LRP2: variants seen among roughly 807,000 people sequenced by gnomAD.
LRP2 encodes LDL receptor related protein 2.
A neutral mutation model predicts 531.0 loss-of-function variants in LRP2; 172 were observed. The ratio of observed to expected loss-of-function variants is 0.32; its 90% CI spans 0.29 to 0.37. The LOEUF (loss-of-function observed/expected upper bound fraction) is 0.37. LRP2 is among the 10% of genes least tolerant of loss of function. The pLI is 1.00. For synonymous variants in LRP2, 1,992 were observed against 2,027.6 expected, an observed-to-expected ratio of 0.98 and a Z score of 0.47; for missense variants, 5,167 against 5,868.3, an observed-to-expected ratio of 0.88 and a Z score of 3.90.
intron 62 of LRP2, among the ~76,000 whole-genome samples, chr2:169,164,865 T>A (rs572814526): frequency 7.0e-4 from 106 of 152,290 alleles, no homozygotes; most frequent in African/African-American, 2.1e-3. Context: ...CTCCATTTTT[T>A]AAAAAATGGC....
chr2:169,277,599 C>A (rs1399337551), intron 13 of LRP2, 146 bp downstream of exon 13: 2 of 750,156 alleles, frequency 2.7e-6, no homozygotes, highest in African/African-American at 1.8e-5. Context: ...TCACTTCATG[C>A]AAATGTCAGT....
chr2:169,331,543 C>T (rs1239120635), intron 1 of LRP2, among the ~76,000 whole-genome samples: 1 of 152,150 alleles, frequency 6.6e-6, no homozygotes, highest in African/African-American at 2.4e-5. Flanking sequence ...AAACTAAGCT[C>T]AAGACTTTCT....
intron 44 of LRP2, among the ~76,000 whole-genome samples, chr2:169,200,210 C>T (rs1427143823): frequency 1.3e-5 from 2 of 152,134 alleles, no homozygotes; most frequent in Non-Finnish European, 2.9e-5. Context: ...GAGATCGCGT[C>T]ACTGCACTCC....
At chr2:169,205,726 A>C in intron 40 of LRP2, 89 bp from the exon 41 acceptor site, 1 of 1,305,990 alleles carries the variant, frequency 7.7e-7, no homozygotes. Context: ...CTTTAATTGC[A>C]AATTGCCAGT....
chr2:169,320,888 C>T lies in LRP2; in HGVS notation c.80-4G>A. On this transcript the variant is annotated splice_polypyrimidine_tract_variant and splice_region_variant and intron_variant, in intron 1 of 78. Transcript: ENST00000649046. ...CGAAAATGCGCACTGTCACATTCTG[C>T]AATAATAGACAGAAATTTTAAAAAC... 6.3e-7 allele frequency: 1 copy of T among 1,599,900 alleles called. No individual in the cohort carries two copies.
chr2:169,139,441 A>T, intron 73 of LRP2, 70 bp from the exon 74 acceptor site: 2 of 1,613,538 alleles, frequency 1.2e-6, no homozygotes, highest in Non-Finnish European at 1.7e-6. Context: ...ACTGGGGGCT[A>T]GAACCACTCC....
chr2:169,163,733 C>G lies in LRP2; in HGVS notation c.11759-1133G>C, dbSNP rs79953200. 8.1e-3 allele frequency among the ~76,000 whole-genome samples: 1,233 copies of G among 151,954 alleles called. 12 individuals are homozygous for G. The highest frequency in any genetic ancestry group is 0.013 in the Non-Finnish European group (873 of 67,918). On this transcript the variant is annotated intron_variant, in intron 62 of 78. Coordinates refer to ENST00000649046, the MANE Select transcript of LRP2 (RefSeq NM_004525.3). ...GAGACTTGGAAAAAAAAACAAAAAA[C>G]AACTCCTGGGCTCCCGACCTTCTAT...
intron 8 of LRP2, 45 bp from the exon 9 acceptor site, chr2:169,289,190 A>G: frequency 1.9e-6 from 3 of 1,611,964 alleles, no homozygotes; most frequent in Non-Finnish European, 2.5e-6. Flanking sequence ...TGACCTCTGG[A>G]CAAGACTGAT....
At chr2:169,173,058 T>C in intron 57 of LRP2, 38 bp downstream of exon 57, 6 of 1,613,764 alleles carry the variant, frequency 3.7e-6, no homozygotes, top group Non-Finnish European at 5.1e-6. Flanking sequence ...ATGTGCACTT[T>C]CTTGTCCCTC....
chr2:169,350,349 G>A (rs1036847968), intron 1 of LRP2, among the ~76,000 whole-genome samples: 1 of 152,134 alleles, frequency 6.6e-6, no homozygotes, highest in African/African-American at 2.4e-5. Context: ...TGTGGGTCTA[G>A]ACTATAGGGT....
At position 169,271,034 on chromosome 2, in the gene LRP2, T is replaced by A; in HGVS notation, c.2190A>T (p.Glu730Asp). The A allele has an allele frequency of 6.2e-7, 1 of 1,613,236 alleles. No homozygotes were observed. Among genetic ancestry groups the A allele is most frequent in the Non-Finnish European group, 8.5e-7 (1 of 1,179,522 alleles). ...RGIPFTLSTQEDVMVPVSGNP... is the reference protein window; with the variant it reads ...RGIPFTLSTQDDVMVPVSGNP... Reference sequence around the variant, plus strand: ...TCCCCGAAACTGGAACCATGACATCTTCCTGGGTAGACAAGGTGAACGGGA... The same window carrying A: ...TCCCCGAAACTGGAACCATGACATCATCCTGGGTAGACAAGGTGAACGGGA... Residue 730 changes from glutamate to aspartate, a missense_variant, in exon 16 of 79, where the codon GAA (glutamate) becomes GAT (aspartate). By Grantham distance (45) the Glu-to-Asp change is conservative. Coordinates refer to ENST00000649046, the MANE Select transcript of LRP2 (RefSeq NM_004525.3).
At chr2:169,187,872 T>C (rs1379638080) in intron 49 of LRP2, 98 bp downstream of exon 49, 5 of 1,272,474 alleles carry the variant, frequency 3.9e-6, no homozygotes, top group Non-Finnish European at 5.7e-6. Flanking sequence ...GGTAACTTTG[T>C]AGTTAGAGGA....
chr2:169,302,535 G>A (rs1308899912), intron 4 of LRP2, among the ~76,000 whole-genome samples: 2 of 152,144 alleles, frequency 1.3e-5, no homozygotes, highest in Admixed American at 6.5e-5. Flanking sequence ...CTAGTGGATA[G>A]AGGCCAGGGA....
Position 169,177,826 on chromosome 2 carries a change from T to C in LRP2, c.10370A>G (p.Tyr3457Cys). 1.2e-6 allele frequency: 2 copies of C among 1,614,244 alleles called. No individual in the cohort carries two copies. Among genetic ancestry groups the C allele is most frequent in the Admixed American group, 1.7e-5 (1 of 60,026 alleles). Residue 3457 changes from tyrosine (Y) to cysteine (C), a missense_variant, in exon 53 of 79, where the codon TAC (tyrosine) becomes TGC (cysteine). This residue lies in a region of LRP2 where 1,129 missense variants were observed against 1,362.7 expected (regional missense o/e 0.83). Transcript: ENST00000649046. The part of the protein sequence containing the change: ...TTHRPFDIHV[Y>C]HPYRQPIVSN... ...ACCAATGGGCTGCCTATATGGATGG[T>C]ACACATGGATGTCAAATGGTCTGTG...
intron 9 of LRP2, among the ~76,000 whole-genome samples, chr2:169,285,238 A>G (rs1259751457): frequency 1.3e-5 from 2 of 151,894 alleles, no homozygotes; most frequent in Non-Finnish European, 2.9e-5. Context: ...GGGAGGCTGC[A>G]GTGAGCGTGA....
chr2:169,327,932 T>G (rs1574262193), intron 1 of LRP2, among the ~76,000 whole-genome samples: 1 of 65,206 alleles, frequency 1.5e-5, no homozygotes, highest in Admixed American at 1.5e-4. Flanking sequence ...AGGAGGGAGG[T>G]GGGGGCGTCA....
intron 3 of LRP2, among the ~76,000 whole-genome samples, chr2:169,310,192 T>C (rs1259270718): frequency 6.6e-6 from 1 of 152,226 alleles, no homozygotes; most frequent in Non-Finnish European, 1.5e-5. Context: ...GACTTCCTCT[T>C]TTCCTAATTG....
intron 61 of LRP2, among the ~76,000 whole-genome samples, chr2:169,166,352 G>A (rs937940973): frequency 7.2e-5 from 11 of 152,268 alleles, no homozygotes; most frequent in Middle Eastern, 3.4e-3. Flanking sequence ...ACATCTACTG[G>A]GGTGATCTGA....
chr2:169,216,328 G>T lies in LRP2; in HGVS notation c.5751C>A (p.Asn1917Lys), dbSNP rs1574143317. ...GAGTGACACACTCCAGGTGTTCGAG[G>T]TTCCCAGTAAAGAGAGTTTTCACAG... ...GTSVKTLFTG[N>K]LEHLECVTLD... The change falls in exon 35 of 79, where the codon AAC (asparagine) becomes AAA (lysine). Residue 1917 changes from asparagine (N) to lysine (K), a missense_variant. This residue lies in a region of LRP2 where 2,811 missense variants were observed against 3,058.0 expected (regional missense o/e 0.92). Transcript: ENST00000649046. 1.9e-6 allele frequency: 3 copies of T among 1,613,688 alleles called. No individual in the cohort carries two copies. The highest frequency in any genetic ancestry group is 1.1e-5 in the South Asian group (1 of 91,084).
Sources: gnomAD v4.1 joint callset for allele counts (sites outside exome capture counted in the v4.1 genomes callset) on GRCh38, gnomAD v4.1.1 for gene constraint, gnomAD v4.1.1 regional missense constraint, MANE v1.5 for transcripts, NCBI Gene and HGNC (gene_info 2026-07-23, HGNC 2026-07-21) for gene names.